Variants in ARID1A observed in about 807,000 individuals in gnomAD.
The protein encoded by ARID1A is AT-rich interaction domain 1A, also known as AT-rich interactive domain-containing protein 1A.
A neutral mutation model predicts 212.6 loss-of-function variants in ARID1A; 20 were observed. The ratio of observed to expected loss-of-function variants is 0.09; its 90% CI spans 0.07 to 0.14. ARID1A has a LOEUF of 0.14. Ranked by LOEUF, ARID1A falls within the 10% of genes least tolerant of loss-of-function variation. The pLI is 1.00. For synonymous variants in ARID1A, 1,376 were observed against 1,222.1 expected (o/e 1.13, Z -2.63); for missense variants, 2,587 against 3,059.0 (o/e 0.85, Z 3.64).
chr1:26,775,483 T>C lies in ARID1A; in HGVS notation c.4994-94T>C, dbSNP rs1056070782. Reference sequence around the variant, plus strand: ...GACAGAAACTGCCTTCCACCTTGTGTTATCTTCAGAGTAGCTTCACTGATG... The same window carrying C: ...GACAGAAACTGCCTTCCACCTTGTGCTATCTTCAGAGTAGCTTCACTGATG... On this transcript the variant is annotated intron_variant, in intron 18 of 19. Transcript: ENST00000324856. 12 of 1,539,786 alleles carry C rather than the reference T, an allele frequency of 7.8e-6. No individual in the cohort carries two copies. The South Asian group carries it at 1.3e-4, about 17-fold the overall frequency.
rs2124110413 is a variant in ARID1A at position 26,773,376 on chromosome 1, G to T, written c.3746G>T (p.Gly1249Val). 6.2e-7 allele frequency: 1 copy of T among 1,609,706 alleles called. No homozygotes were observed. The highest frequency in any genetic ancestry group is 8.5e-7 in the Non-Finnish European group (1 of 1,177,780). ...APGSDPFMSSGQGPNGGMGDP... is the reference protein window; with the variant it reads ...APGSDPFMSSVQGPNGGMGDP... ...GGGAGTGATCCCTTCATGTCCTCAG[G>T]GCAGGGCCCCAACGGCGGGATGGGT... The change falls in exon 15 of 20, where the codon GGG becomes GTG. Residue 1249 changes from glycine (G) to valine (V), a missense_variant. Coordinates refer to ENST00000324856, the MANE Select transcript of ARID1A (RefSeq NM_006015.6).
chr1:26,762,198 G>A lies in ARID1A; in HGVS notation c.2298G>A (p.Gln766=), dbSNP rs572510196. ...AGATGCCCCAGTACAGTTCCCCCCA[G>A]CCCGGCTCAGCCTTATCTCCGCGTC... ...NPQMPQYSSP[Q]PGSALSPRQP... The change falls in exon 7 of 20, where the codon CAG becomes CAA. Residue 766 remains glutamine (Q), a synonymous_variant. Coordinates refer to ENST00000324856, the MANE Select transcript of ARID1A (RefSeq NM_006015.6). 223 of 1,614,152 alleles carry A rather than the reference G, an allele frequency of 1.4e-4. 2 individuals carry two copies. In the South Asian group the frequency reaches 2.3e-3, roughly 17 times the overall value.
In ARID1A at chr1:26,771,431, T is replaced by C; in HGVS notation, c.3406+105T>C. ...CTTATCCAACAGGATATGCCAAGGA[T>C]CTGTGCTCTGCCTTGCCCTACCACA... On this transcript the variant is annotated intron_variant, in intron 12 of 19. Transcript: ENST00000324856. This position sits in a 1 kb window ranked among gnomAD's most constrained non-coding sequence, Gnocchi z 5.4. 1 of 1,257,552 alleles carries C rather than the reference T, an allele frequency of 8.0e-7. No homozygotes were observed. Among genetic ancestry groups the C allele is most frequent in the Admixed American group, 2.2e-5 (1 of 45,590 alleles). 77.9% of individuals were successfully genotyped at this position (1,257,552 alleles called of 1,614,324 possible).
intron 1 of ARID1A, among the ~76,000 whole-genome samples, chr1:26,724,298 T>C (rs891642244): frequency 2.0e-5 from 3 of 152,178 alleles, no homozygotes; most frequent in Non-Finnish European, 4.4e-5. Context: ...CCCAACCCTC[T>C]CTGTTCTTAT....
rs910687692 is a variant in ARID1A at position 26,696,975 on chromosome 1, G to C, written c.572G>C (p.Gly191Ala). The change falls in exon 1 of 20, where the codon GGC (glycine) becomes GCC (alanine). Residue 191 changes from glycine (G) to alanine (A), a missense_variant. Around this residue, in one of 11 missense-constraint regions of ARID1A, gnomAD observed 735 missense variants for 590.6 expected, o/e 1.24. Transcript: ENST00000324856. ...GCGCTGCAGAGCGGCGGCGGCGGGG[G>C]CCTGGAGCCCTACGCGGGGCCCCAG... ...LAALQSGGGG[G>A]LEPYAGPQQN... 5 of 1,496,578 alleles carry C rather than the reference G, an allele frequency of 3.3e-6. No individual in the cohort carries two copies. Among genetic ancestry groups the C allele is most frequent in the African/African-American group, 1.5e-5 (1 of 68,832 alleles). 92.7% of individuals were successfully genotyped at this position (1,496,578 alleles called of 1,614,324 possible). A position where few individuals can be genotyped will look rare whatever the true frequency, so the allele number is the denominator to read the frequency against.
Position 26,731,179 on chromosome 1 carries a change from A to G in ARID1A, c.1378A>G (p.Ser460Gly). Residue 460 changes from serine to glycine, a missense_variant, in exon 3 of 20, where the codon AGC (serine) becomes GGC (glycine). Coordinates refer to ENST00000324856, the MANE Select transcript of ARID1A (RefSeq NM_006015.6). ...TCCTCCTTATGGACAACAAGGCCCCAGCGGGTATGGTCAACAGGGCCAGAC... is the reference window on the plus strand; with the variant it reads ...TCCTCCTTATGGACAACAAGGCCCCGGCGGGTATGGTCAACAGGGCCAGAC... The part of the protein sequence containing the change: ...QIPPYGQQGP[S>G]GYGQQGQTPY... 1 of 1,614,022 alleles carries G rather than the reference A, an allele frequency of 6.2e-7. No homozygotes were observed. The highest frequency in any genetic ancestry group is 1.1e-5 in the South Asian group (1 of 91,070).
intron 1 of ARID1A, among the ~76,000 whole-genome samples, chr1:26,716,087 TC>T (rs2080499832): frequency 6.6e-6 from 1 of 150,496 alleles, no homozygotes; most frequent in Admixed American, 6.6e-5. Flanking sequence ...ATGCCCGTAA[TC>T]CCAGCTACTC....
chr1:26,701,666 C>G (rs1475789189), intron 1 of ARID1A, among the ~76,000 whole-genome samples: 2 of 152,182 alleles, frequency 1.3e-5, no homozygotes, highest in African/African-American at 2.4e-5. Context: ...CCATAGCTGG[C>G]TTGTTATGAA....
Position 26,775,235 on chromosome 1 carries a change from C to T in ARID1A, c.4993+15C>T, listed in dbSNP as rs749770789. The T allele has an allele frequency of 1.3e-6, 2 of 1,559,146 alleles. No individual in the cohort carries two copies. The highest frequency in any genetic ancestry group is 1.2e-5 in the South Asian group (1 of 83,080). ...GAAAGACATTGGTAAGGAGATCTTC[C>T]TCATTCGGTTGCCTAATCTGCCCCT... On this transcript the variant is annotated intron_variant, in intron 18 of 19. Transcript: ENST00000324856.
At chr1:26,709,088 G>A (rs1424578280) in intron 1 of ARID1A, among the ~76,000 whole-genome samples, 1 of 152,064 alleles carries the variant, frequency 6.6e-6, no homozygotes, top group Admixed American at 6.6e-5. Context: ...CTAAAACCTA[G>A]GTTTAAAGTT....
intron 4 of ARID1A, among the ~76,000 whole-genome samples, chr1:26,754,020 G>A (rs540277316): frequency 2.6e-5 from 4 of 152,044 alleles, no homozygotes; most frequent in Non-Finnish European, 4.4e-5. Flanking sequence ...TGTTAGTCAG[G>A]ATGGTCTCAG....
At chr1:26,751,123 C>T (rs536494938) in intron 4 of ARID1A, among the ~76,000 whole-genome samples, 43 of 151,856 alleles carry the variant, frequency 2.8e-4, no homozygotes, top group South Asian at 1.3e-3. Flanking sequence ...GGCGTGGTGG[C>T]GAGGGTCTGT....
chr1:26,780,882 C>G lies in ARID1A; in HGVS notation c.*126C>G. 3.0e-6 allele frequency: 4 copies of G among 1,355,554 alleles called. No homozygotes were observed. The highest frequency in any genetic ancestry group is 4.0e-6 in the Non-Finnish European group (4 of 1,010,866). 84.0% of individuals were successfully genotyped at this position (1,355,554 alleles called of 1,614,324 possible). A position where few individuals can be genotyped will look rare whatever the true frequency, so the allele number is the denominator to read the frequency against. On this transcript the variant is annotated 3_prime_UTR_variant, in exon 20 of 20. Coordinates refer to ENST00000324856, the MANE Select transcript of ARID1A (RefSeq NM_006015.6). The surrounding 1 kb of genome is among the most constrained non-coding windows in gnomAD (Gnocchi z 7.2). ...GTTTACCCTGTGCTGTCCAGCTTCT[C>G]CCTTGGGAAAAAGTCTCTCCTGTTT... is the stretch of plus-strand genomic sequence containing the variant.
chr1:26,763,662 G>A lies in ARID1A; in HGVS notation c.2732+377G>A, dbSNP rs761159811. On this transcript the variant is annotated intron_variant, in intron 8 of 19. Coordinates refer to ENST00000324856, the MANE Select transcript of ARID1A (RefSeq NM_006015.6). ...GCGCACGCCTGTAATCCCGGCTATC[G>A]GGAGGCTGAGGCAGGAGAATCACTT... Among the ~76,000 whole-genome samples, 79 of 152,296 alleles carry A rather than the reference G, an allele frequency of 5.2e-4. 1 individual carries two copies. Among genetic ancestry groups the A allele is most frequent in the Middle Eastern group, 3.4e-3 (1 of 294 alleles).
At chr1:26,778,846 G>A in intron 19 of ARID1A, 177 bp from the exon 20 acceptor site, 1 of 561,858 alleles carries the variant, frequency 1.8e-6, no homozygotes, top group Non-Finnish European at 2.9e-6. Context: ...AAAGAACTTT[G>A]TGTTGGGCAT....
At chr1:26,733,163 A>G (rs141850818) in intron 4 of ARID1A, among the ~76,000 whole-genome samples, 29 of 152,312 alleles carry the variant, frequency 1.9e-4, no homozygotes, top group African/African-American at 6.5e-4. Context: ...ATGTTTAGCT[A>G]CAAGGTAGGA....
At chr1:26,749,533 C>T (rs2080866867) in intron 4 of ARID1A, among the ~76,000 whole-genome samples, 1 of 152,146 alleles carries the variant, frequency 6.6e-6, no homozygotes, top group Non-Finnish European at 1.5e-5. Context: ...GGGGCTACCA[C>T]CACAGGAATG....
intron 4 of ARID1A, among the ~76,000 whole-genome samples, chr1:26,735,124 T>A (rs921341074): frequency 4.6e-5 from 7 of 151,696 alleles, no homozygotes; most frequent in Non-Finnish European, 8.8e-5. Flanking sequence ...GAATTTTTTT[T>A]TTTTTTTTTT....
intron 2 of ARID1A, 61 bp downstream of exon 2, chr1:26,729,924 A>G (rs1206984637): frequency 1.9e-6 from 3 of 1,559,266 alleles, no homozygotes; most frequent in Admixed American, 1.7e-5. Context: ...TCTGTGAGCT[A>G]TAGAATCAGA....
Sources: allele counts gnomAD v4.1 joint callset (sites outside exome capture counted in the v4.1 genomes callset), GRCh38; gene constraint gnomAD v4.1.1; regional missense constraint gnomAD v4.1.1; non-coding constraint Gnocchi (gnomAD v3.1); transcripts MANE v1.5; gene names NCBI Gene and HGNC (gene_info 2026-07-23, HGNC 2026-07-21).